The following HGSNAT variants were observed in gnomAD, a reference collection of about 807,000 sequenced individuals.
HGSNAT encodes transmembrane protein 76.
HGSNAT carries 59 observed loss-of-function variants against 85.2 expected under a neutral mutation model. The observed-to-expected ratio is 0.69, with a 90% CI of 0.56 to 0.86. The LOEUF (loss-of-function observed/expected upper bound fraction) is 0.86. Among genes scored for constraint, HGSNAT ranks in the 40% least tolerant of loss-of-function variants. HGSNAT has a pLI of 0.00. For synonymous variants in HGSNAT, 321 were observed against 304.5 expected (o/e 1.05, Z -0.56); for missense variants, 756 against 777.1 (o/e 0.97, Z 0.32).
intron 2 of HGSNAT, among the ~76,000 whole-genome samples, chr8:43,153,909 C>T (rs1307504688): frequency 2.0e-5 from 3 of 152,168 alleles, no homozygotes; most frequent in Non-Finnish European, 4.4e-5. Flanking sequence ...TAGTATTCCT[C>T]TGTGAATATA....
At chr8:43,146,768 C>G (rs1168053411) in intron 1 of HGSNAT, among the ~76,000 whole-genome samples, 180 bp from the exon 2 acceptor site, 1 of 151,822 alleles carries the variant, frequency 6.6e-6, no homozygotes, top group African/African-American at 2.4e-5. Context: ...CACATGCATG[C>G]ATGCACGCAC....
chr8:43,160,315 C>G (rs1252728329), intron 4 of HGSNAT, among the ~76,000 whole-genome samples: 2 of 152,128 alleles, frequency 1.3e-5, no homozygotes, highest in African/African-American at 2.4e-5. Flanking sequence ...CAGGATATGT[C>G]GCAACCCTTA....
chr8:43,199,358 C>T (rs779647033), intron 17 of HGSNAT, 30 bp from the exon 18 acceptor site: 3 of 1,482,554 alleles, frequency 2.0e-6, no homozygotes, highest in Admixed American at 1.9e-5. Flanking sequence ...CTGTGAGAAA[C>T]ATGATCTTCT....
intron 11 of HGSNAT, among the ~76,000 whole-genome samples, chr8:43,188,264 T>A (rs1804393966): frequency 2.0e-5 from 3 of 152,242 alleles, no homozygotes; most frequent in African/African-American, 7.2e-5. Flanking sequence ...GTTCTCCCCG[T>A]CACTTTCAGG....
intron 2 of HGSNAT, among the ~76,000 whole-genome samples, chr8:43,154,343 C>A (rs530682732): frequency 7.3e-6 from 1 of 136,708 alleles, no homozygotes; most frequent in Non-Finnish European, 1.6e-5. Context: ...ATCCCTCCCC[C>A]CTCCCCCCAC....
At chr8:43,141,175 G>A (rs1188796717) in intron 1 of HGSNAT, among the ~76,000 whole-genome samples, 1 of 152,206 alleles carries the variant, frequency 6.6e-6, no homozygotes, top group Non-Finnish European at 1.5e-5. Context: ...GCGTGGATGT[G>A]CGGCGGGTGA....
At chr8:43,171,205 A>G (rs1803615197) in intron 7 of HGSNAT, among the ~76,000 whole-genome samples, 1 of 152,248 alleles carries the variant, frequency 6.6e-6, no homozygotes, top group Admixed American at 6.5e-5. Flanking sequence ...AAAACTGTAT[A>G]GCGAAGAATA....
intron 2 of HGSNAT, among the ~76,000 whole-genome samples, chr8:43,156,428 C>T (rs1185788114): frequency 1.3e-5 from 2 of 152,110 alleles, no homozygotes; most frequent in African/African-American, 4.8e-5. Flanking sequence ...GCCTCAGCCT[C>T]CCACGTAACT....
intron 8 of HGSNAT, among the ~76,000 whole-genome samples, chr8:43,172,829 C>T (rs1803674090): frequency 6.6e-6 from 1 of 152,126 alleles, no homozygotes; most frequent in South Asian, 2.1e-4. Context: ...GTAAGTCTGG[C>T]TTGGTAGTTG....
chr8:43,192,287 G>A lies in HGSNAT; in HGVS notation c.1251-17G>A, dbSNP rs1303909807. The A allele has an allele frequency of 1.3e-6, 2 of 1,598,714 alleles. No homozygotes were observed. The highest frequency in any genetic ancestry group is 1.7e-5 in the Admixed American group (1 of 57,242). Reference sequence around the variant, plus strand: ...TTATGAGGTCTTGTCATTTACATATGCTTTTCACCTTCCTAGTGGTTATCT... The same window carrying A: ...TTATGAGGTCTTGTCATTTACATATACTTTTCACCTTCCTAGTGGTTATCT... On this transcript the variant is annotated splice_polypyrimidine_tract_variant and intron_variant, in intron 12 of 17. Transcript: ENST00000379644.
chr8:43,186,175 C>T (rs891497674), intron 11 of HGSNAT, among the ~76,000 whole-genome samples: 1 of 152,190 alleles, frequency 6.6e-6, no homozygotes, highest in Non-Finnish European at 1.5e-5. Context: ...GGTTGATTCC[C>T]TCTTTTTCTA....
At chr8:43,151,781 C>G (rs913596581) in intron 2 of HGSNAT, among the ~76,000 whole-genome samples, 1 of 152,198 alleles carries the variant, frequency 6.6e-6, no homozygotes, top group Non-Finnish European at 1.5e-5. Flanking sequence ...ATTGCAGCTA[C>G]TGTTTCCTGA....
intron 11 of HGSNAT, among the ~76,000 whole-genome samples, chr8:43,183,764 C>T (rs1804214944): frequency 6.6e-6 from 1 of 152,014 alleles, no homozygotes; most frequent in African/African-American, 2.4e-5. Context: ...TAGGTATATC[C>T]CCTAATGCTA....
chr8:43,176,128 G>A (rs1438305850), intron 9 of HGSNAT, among the ~76,000 whole-genome samples: 1 of 152,176 alleles, frequency 6.6e-6, no homozygotes, highest in Non-Finnish European at 1.5e-5. Flanking sequence ...ACTTAGTCCA[G>A]TGTGCTGGAG....
At chr8:43,196,401 TTCCACCCTG>T (rs1804728017) in intron 14 of HGSNAT, 1 of 1,231,086 alleles carries the variant, frequency 8.1e-7, no homozygotes, top group East Asian at 5.6e-5. Context: ...CTGCCTCTGG[TTCCACCCTG>T]TCCCGGTCCC....
At chr8:43,167,760 T>A (rs1431341042) in intron 5 of HGSNAT, among the ~76,000 whole-genome samples, 2 of 152,264 alleles carry the variant, frequency 1.3e-5, no homozygotes, top group South Asian at 2.1e-4. Context: ...GAAAAAATCC[T>A]ATGCACTGGA....
chr8:43,140,990 G>A (rs1489282658), intron 1 of HGSNAT, among the ~76,000 whole-genome samples: 2 of 152,228 alleles, frequency 1.3e-5, no homozygotes, highest in Non-Finnish European at 2.9e-5. Context: ...GAGGATCGGG[G>A]GGGCTCGGAC....
chr8:43,144,955 TGTTCAGGAAGTGCTG>T (rs1465032765), intron 1 of HGSNAT, among the ~76,000 whole-genome samples: 1 of 152,136 alleles, frequency 6.6e-6, no homozygotes, highest in Non-Finnish European at 1.5e-5. Flanking sequence ...ACACAGTAAG[TGTTCAGGAAGTGCTG>T]GCATTATGAA....
chr8:43,144,704 G>GATT (rs369577040), intron 1 of HGSNAT, among the ~76,000 whole-genome samples: 201 of 151,940 alleles, frequency 1.3e-3, no homozygotes, highest in African/African-American at 4.4e-3. Context: ...AGCTATAGTG[G>GATT]ATTATTATTA....
Sources: gnomAD v4.1 joint callset for allele counts (sites outside exome capture counted in the v4.1 genomes callset) on GRCh38, gnomAD v4.1.1 for gene constraint, MANE v1.5 for transcripts, NCBI Gene and HGNC (gene_info 2026-07-23, HGNC 2026-07-21) for gene names.